Variants in MAGEB2 observed in about 807,000 individuals in gnomAD.
The protein encoded by MAGEB2 is melanoma-associated antigen B2.
For missense variants in MAGEB2, 365 were observed against 243.2 expected, an observed-to-expected ratio of 1.50 and a Z score of -3.33; for synonymous variants, 107 against 96.2, an observed-to-expected ratio of 1.11 and a Z score of -0.66.
Position 30,219,478 on chromosome X carries a change from C to T in MAGEB2, c.898C>T (p.Pro300Ser), listed in dbSNP as rs1490371187. 1 of 1,209,018 alleles carries T rather than the reference C, an allele frequency of 8.3e-7. No homozygotes were observed. Among genetic ancestry groups the T allele is most frequent in the Admixed American group, 2.2e-5 (1 of 45,664 alleles). ...EFLAKVNGTT[P>S]CAFPTHYEEA... ...TTTGGCCAAGGTAAATGGTACCACC[C>T]CCTGTGCCTTCCCAACCCATTACGA... Residue 300 changes from proline (P) to serine (S), a missense_variant, in exon 2 of 2, where the codon CCC becomes TCC. Pro to Ser is a moderately conservative substitution (Grantham distance 74). Transcript: ENST00000378988.
In MAGEB2 at chrX:30,219,361, A is replaced by G. The variant is rs951932579; in HGVS notation, c.781A>G (p.Lys261Glu). Reference protein sequence around the residue: ...DLVQEKYLEYKQVPSSDPPRF... With the variant: ...DLVQEKYLEYEQVPSSDPPRF... Reference sequence around the variant, plus strand: ...GGTGCAGGAAAAATATCTGGAGTACAAGCAGGTGCCCAGCAGTGATCCCCC... The same window carrying G: ...GGTGCAGGAAAAATATCTGGAGTACGAGCAGGTGCCCAGCAGTGATCCCCC... The change falls in exon 2 of 2, where the codon AAG becomes GAG. Residue 261 changes from lysine to glutamate, a missense_variant. Transcript: ENST00000378988. 1.2e-5 allele frequency: 14 copies of G among 1,210,227 alleles called. No homozygotes were observed. The highest frequency in any genetic ancestry group is 1.6e-5 in the Non-Finnish European group (14 of 895,218).
intron 1 of MAGEB2, among the ~76,000 whole-genome samples, chrX:30,216,885 T>TAAAAAAAAAAAAAAAAA (rs1278361862): frequency 1.1e-5 from 1 of 89,327 alleles, no homozygotes. Flanking sequence ...ACTCCGTCTC[T>TAAAAAAAAAAAAAAAAA]TAAAAAAAAA....
chrX:30,219,707 C>CTTT lies in MAGEB2; in HGVS notation c.*176_*178dup. ...TTGTTATGCATGAATAACTTGTTGACTTTTTTTTTTTCTCTTTTTCAACTA... is the reference window on the plus strand; with the variant it reads ...TTGTTATGCATGAATAACTTGTTGACTTTTTTTTTTTTTTCTCTTTTTCAACTA... On this transcript the variant is annotated 3_prime_UTR_variant, in exon 2 of 2. Coordinates refer to ENST00000378988, the MANE Select transcript of MAGEB2 (RefSeq NM_002364.5). The CTTT allele has an allele frequency of 1.2e-5, 4 of 327,231 alleles. No individual in the cohort carries two copies. Among genetic ancestry groups the CTTT allele is most frequent in the Non-Finnish European group, 2.1e-5 (4 of 189,730 alleles). 27.0% of individuals were successfully genotyped at this position (327,231 alleles called of 1,213,427 possible). A position where few individuals can be genotyped will look rare whatever the true frequency, so the allele number is the denominator to read the frequency against.
chrX:30,216,864 G>A (rs760819328), intron 1 of MAGEB2, among the ~76,000 whole-genome samples: 26 of 92,227 alleles, frequency 2.8e-4, no homozygotes, highest in African/African-American at 8.5e-4. Flanking sequence ...CGGCCTAGGC[G>A]AAAGGGCGAG....
chrX:30,219,190 C>G lies in MAGEB2; in HGVS notation c.610C>G (p.Leu204Val). The change falls in exon 2 of 2, where the codon CTG becomes GTG. Residue 204 changes from leucine to valine, a missense_variant. Leu to Val is a conservative substitution (Grantham distance 32). Transcript: ENST00000378988. Reference sequence around the variant, plus strand: ...CTGGGACTTTCCCAGGAGAAAGCTTCTGATGCCTCTCCTGGGTGTGATCTT... The same window carrying G: ...CTGGGACTTTCCCAGGAGAAAGCTTGTGATGCCTCTCCTGGGTGTGATCTT... ...SSWDFPRRKL[L>V]MPLLGVIFLN... 1.7e-6 allele frequency: 2 copies of G among 1,210,484 alleles called. No individual in the cohort carries two copies. The highest frequency in any genetic ancestry group is 2.2e-6 in the Non-Finnish European group (2 of 894,685).
In MAGEB2 at chrX:30,218,716, T is replaced by A. The variant is rs1266652153; in HGVS notation, c.136T>A (p.Ser46Thr). The stretch of plus-strand genomic sequence containing the variant: ...GGCCCCCTGCTGTTCCTCTTCTGTT[T>A]CTGGGGGTGCTGCTTCAAGCTCTCC... ...EEAPCCSSSV[S>T]GGAASSSPAA... The change falls in exon 2 of 2, where the codon TCT becomes ACT. Residue 46 changes from serine to threonine, a missense_variant. By Grantham distance (58) the Ser-to-Thr change is moderately conservative. Coordinates refer to ENST00000378988, the MANE Select transcript of MAGEB2 (RefSeq NM_002364.5). The A allele has an allele frequency of 8.3e-7, 1 of 1,200,461 alleles. No homozygotes were observed. Among genetic ancestry groups the A allele is most frequent in the Non-Finnish European group, 1.1e-6 (1 of 889,721 alleles).
In MAGEB2 at chrX:30,218,738, C is replaced by T. The variant is rs1924471486; in HGVS notation, c.158C>T (p.Ser53Phe). The change falls in exon 2 of 2, where the codon TCT (serine) becomes TTT (phenylalanine). Residue 53 changes from serine (S) to phenylalanine (F), a missense_variant. Transcript: ENST00000378988. ...GTTTCTGGGGGTGCTGCTTCAAGCT[C>T]TCCTGCTGCTGGCATTCCCCAGGAG... ...SSVSGGAASS[S>F]PAAGIPQEPQ... is the part of the protein sequence containing the mutation. 1 of 1,197,559 alleles carries T rather than the reference C, an allele frequency of 8.4e-7. No individual in the cohort carries two copies. The highest frequency in any genetic ancestry group is 1.1e-6 in the Non-Finnish European group (1 of 887,572).
In MAGEB2 at chrX:30,219,746, T is replaced by C. The variant is rs975809994; in HGVS notation, c.*206T>C. The C allele has an allele frequency of 2.9e-6, 1 of 339,247 alleles. No homozygotes were observed. Among genetic ancestry groups the C allele is most frequent in the Non-Finnish European group, 5.3e-6 (1 of 190,148 alleles). 28.0% of individuals were successfully genotyped at this position (339,247 alleles called of 1,213,427 possible). ...CTTTTTCAACTAGTGTTTCAACAGG[T>C]TTATTTAGATTCAGAATGTAAATTT... On this transcript the variant is annotated 3_prime_UTR_variant, in exon 2 of 2. Transcript: ENST00000378988.
chrX:30,219,467 A>G lies in MAGEB2; in HGVS notation c.887A>G (p.Asn296Ser). 8.3e-7 allele frequency: 1 copy of G among 1,211,323 alleles called. No individual in the cohort carries two copies. Among genetic ancestry groups the G allele is most frequent in the Non-Finnish European group, 1.1e-6 (1 of 895,043 alleles). ...MKVLEFLAKVNGTTPCAFPTH... is the reference protein window; with the variant it reads ...MKVLEFLAKVSGTTPCAFPTH... ...GTCCTGGAGTTTTTGGCCAAGGTAA[A>G]TGGTACCACCCCCTGTGCCTTCCCA... The change falls in exon 2 of 2, where the codon AAT (asparagine) becomes AGT (serine). Residue 296 changes from asparagine (N) to serine (S), a missense_variant. Asn to Ser is a conservative substitution (Grantham distance 46). Coordinates refer to ENST00000378988, the MANE Select transcript of MAGEB2 (RefSeq NM_002364.5).
In MAGEB2 at chrX:30,219,110, C is replaced by T. The variant is rs1010709354; in HGVS notation, c.530C>T (p.Thr177Ile). 8.3e-7 allele frequency: 1 copy of T among 1,209,018 alleles called. No individual in the cohort carries two copies. Among genetic ancestry groups the T allele is most frequent in the Non-Finnish European group, 1.1e-6 (1 of 894,614 alleles). ...ELNKVNPNGH[T>I]YTFIDKVDLT... ...AATAAAGTCAACCCCAACGGCCACA[C>T]TTACACCTTCATCGACAAGGTAGAC... The change falls in exon 2 of 2, where the codon ACT becomes ATT. Residue 177 changes from threonine (T) to isoleucine (I), a missense_variant. Coordinates refer to ENST00000378988, the MANE Select transcript of MAGEB2 (RefSeq NM_002364.5).
chrX:30,216,735 A>G (rs865894919), intron 1 of MAGEB2, among the ~76,000 whole-genome samples: 1 of 101,118 alleles, frequency 9.9e-6, no homozygotes, highest in Non-Finnish European at 2.1e-5. Flanking sequence ...CAAAAAAAAA[A>G]TTAGCGGGGA....
intron 1 of MAGEB2, 23 bp from the exon 2 acceptor site, chrX:30,218,553 C>T: frequency 8.5e-7 from 1 of 1,182,852 alleles, no homozygotes. Flanking sequence ...TATTCTTCTG[C>T]CCACATTTCT....
intron 1 of MAGEB2, among the ~76,000 whole-genome samples, chrX:30,216,522 G>C (rs1409615519): frequency 9.0e-6 from 1 of 111,414 alleles, no homozygotes; most frequent in Non-Finnish European, 1.9e-5. Context: ...GGAGACCTGA[G>C]CATGGCATGT....
Position 30,219,572 on chromosome X carries a change from C to T in MAGEB2, c.*32C>T. 8.8e-7 allele frequency: 1 copy of T among 1,139,190 alleles called. No individual in the cohort carries two copies. Among genetic ancestry groups the T allele is most frequent in the Non-Finnish European group, 1.2e-6 (1 of 852,774 alleles). The allele number at this position is 1,139,190 out of a possible 1,213,427, so 93.9% of individuals were successfully genotyped here. A position where few individuals can be genotyped will look rare whatever the true frequency, so the allele number is the denominator to read the frequency against. ...GTTGTAGCCAGGCCTTGCACTACTG[C>T]CATAGCCAATCAATCTCCCAAAGCC... On this transcript the variant is annotated 3_prime_UTR_variant, in exon 2 of 2. Transcript: ENST00000378988.
Position 30,218,624 on chromosome X carries a change from G to A in MAGEB2, c.44G>A (p.Arg15His), listed in dbSNP as rs768671683. The change falls in exon 2 of 2, where the codon CGC becomes CAC. Residue 15 changes from arginine (R) to histidine (H), a missense_variant. Coordinates refer to ENST00000378988, the MANE Select transcript of MAGEB2 (RefSeq NM_002364.5). ...QKSKLRAREK[R>H]RKARDETRGL... is the part of the protein sequence containing the mutation. ...AGTAAGCTCCGTGCCCGTGAGAAACGCCGCAAGGCCCGAGATGAGACCCGG... is the reference window on the plus strand; with the variant it reads ...AGTAAGCTCCGTGCCCGTGAGAAACACCGCAAGGCCCGAGATGAGACCCGG... 3.8e-5 allele frequency: 46 copies of A among 1,208,900 alleles called. No individual in the cohort carries two copies. Among genetic ancestry groups the A allele is most frequent in the African/African-American group, 5.2e-5 (3 of 57,169 alleles).
chrX:30,219,419 A>AT lies in MAGEB2; in HGVS notation c.840dup (p.Ala281CysfsTer2). On this transcript the variant is annotated frameshift_variant, in exon 2 of 2. Coordinates refer to ENST00000378988, the MANE Select transcript of MAGEB2 (RefSeq NM_002364.5). LOFTEE classifies it low-confidence loss of function (END_TRUNC). Reference sequence around the variant, plus strand: ...CAATTCCTGTGGGGTCCGAGAGCCTATGCTGAAACCAGCAAGATGAAAGTC... The same window carrying AT: ...CAATTCCTGTGGGGTCCGAGAGCCTATTGCTGAAACCAGCAAGATGAAAGTC... 2 of 1,211,782 alleles carry AT rather than the reference A, an allele frequency of 1.7e-6. No individual in the cohort carries two copies. The highest frequency in any genetic ancestry group is 2.2e-6 in the Non-Finnish European group (2 of 895,281).
Position 30,218,554 on chromosome X carries a change from C to T in MAGEB2, c.-5-22C>T, listed in dbSNP as rs990239850. 7 of 1,181,928 alleles carry T rather than the reference C, an allele frequency of 5.9e-6. No individual in the cohort carries two copies. In the African/African-American group the frequency reaches 1.1e-4, roughly 18 times the overall value. On this transcript the variant is annotated intron_variant, in intron 1 of 1. Transcript: ENST00000378988. The stretch of plus-strand genomic sequence containing the variant: ...GTATACTAACCATCTATTCTTCTGC[C>T]CACATTTCTTGGTTTACCCAGCCAT...
In MAGEB2 at chrX:30,219,308, A is replaced by T; in HGVS notation, c.728A>T (p.Glu243Val). Residue 243 changes from glutamate to valine, a missense_variant, in exon 2 of 2, where the codon GAA (glutamate) becomes GTA (valine). Transcript: ENST00000378988. ...YDGEEHSVFG[E>V]PWKLITKDLV... ...GGAGAGGAGCACTCAGTCTTTGGGG[A>T]ACCCTGGAAGCTCATCACCAAAGAT... The T allele has an allele frequency of 8.3e-7, 1 of 1,211,609 alleles. No individual in the cohort carries two copies. The highest frequency in any genetic ancestry group is 1.1e-6 in the Non-Finnish European group (1 of 895,374).
In MAGEB2 at chrX:30,219,012, G is replaced by A. The variant is rs368299444; in HGVS notation, c.432G>A (p.Arg144=). The A allele has an allele frequency of 2.5e-6, 3 of 1,210,795 alleles. No individual in the cohort carries two copies. Among genetic ancestry groups the A allele is most frequent in the Admixed American group, 4.4e-5 (2 of 45,963 alleles). The stretch of plus-strand genomic sequence containing the variant: ...AAATGCTGAAAATTGTTGGCAAAAG[G>A]TTCAGGGAGCACTTCCCTGAGATCC... ...KGEMLKIVGK[R]FREHFPEILK... Residue 144 remains arginine, a synonymous_variant, in exon 2 of 2, where the codon AGG becomes AGA. Transcript: ENST00000378988.
Sources: allele counts gnomAD v4.1 joint callset (sites outside exome capture counted in the v4.1 genomes callset), GRCh38; gene constraint gnomAD v4.1.1; transcripts MANE v1.5; gene names NCBI Gene and HGNC (gene_info 2026-07-23, HGNC 2026-07-21).